BABAM2: variants seen among roughly 807,000 people sequenced by gnomAD.
The protein encoded by BABAM2 is BRISC and BRCA1 A complex member 2.
In BABAM2, 31 loss-of-function variants were observed where a neutral mutation model predicts 54.7. That is an observed-to-expected ratio of 0.57 (90% CI 0.43 to 0.77). The LOEUF (loss-of-function observed/expected upper bound fraction) is 0.77, where lower values mean the gene tolerates loss of function less well. Ranked by LOEUF, BABAM2 falls within the 30% of genes least tolerant of loss-of-function variation. The pLI is 0.00. For synonymous variants in BABAM2, 167 were observed against 162.9 expected (o/e 1.03, Z -0.19); for missense variants, 364 against 455.8 (o/e 0.80, Z 1.83).
chr2:28,061,988 G>T (rs1357878686), intron 6 of BABAM2, among the ~76,000 whole-genome samples: 1 of 152,070 alleles, frequency 6.6e-6, no homozygotes, highest in South Asian at 2.1e-4. Flanking sequence ...GCCAGGTGCG[G>T]TGGCTCACGC....
At chr2:28,338,223 C>T (rs999852787) in intron 11 of BABAM2, among the ~76,000 whole-genome samples, 2 of 152,312 alleles carry the variant, frequency 1.3e-5, no homozygotes, top group South Asian at 2.1e-4. Context: ...GGAGGGTGCA[C>T]GTACAGGCCC....
intron 6 of BABAM2, among the ~76,000 whole-genome samples, chr2:28,122,185 C>T (rs1456401033): frequency 3.3e-5 from 5 of 152,072 alleles, no homozygotes; most frequent in East Asian, 1.9e-4. Flanking sequence ...CACTGCACTC[C>T]AGCCTGGGTG....
intron 3 of BABAM2, among the ~76,000 whole-genome samples, chr2:27,953,589 G>T (rs1433598864): frequency 6.6e-6 from 1 of 151,364 alleles, no homozygotes; most frequent in Non-Finnish European, 1.5e-5. Flanking sequence ...ACCGCACTGG[G>T]CCCACACTTC....
At chr2:28,267,900 T>C (rs1685118021) in intron 10 of BABAM2, among the ~76,000 whole-genome samples, 1 of 152,166 alleles carries the variant, frequency 6.6e-6, no homozygotes, top group African/African-American at 2.4e-5. Context: ...TAGTTGTAGT[T>C]GAAACTAGAA....
intron 7 of BABAM2, among the ~76,000 whole-genome samples, chr2:28,204,490 G>A (rs1678617197): frequency 6.6e-6 from 1 of 151,846 alleles, no homozygotes; most frequent in African/African-American, 2.4e-5. Context: ...CAGGGCTAGA[G>A]TCATTTGTGG....
intron 7 of BABAM2, among the ~76,000 whole-genome samples, chr2:28,143,674 A>G (rs1375335939): frequency 6.6e-6 from 1 of 152,194 alleles, no homozygotes; most frequent in African/African-American, 2.4e-5. Flanking sequence ...AACTATTTCT[A>G]TAGGAAAATA....
At chr2:28,208,029 CTGTGTGTG>C (rs4043353) in intron 7 of BABAM2, among the ~76,000 whole-genome samples, 4,432 of 149,632 alleles carry the variant, frequency 0.03, 126 homozygotes, top group African/African-American at 0.086. Flanking sequence ...GTGTTAAAGG[CTGTGTGTG>C]TGTGTGTGTG....
At chr2:28,027,787 T>C (rs925144405) in intron 5 of BABAM2, among the ~76,000 whole-genome samples, 1 of 152,216 alleles carries the variant, frequency 6.6e-6, no homozygotes, top group African/African-American at 2.4e-5. Flanking sequence ...TAAGTATTGG[T>C]AATACCCCTT....
chr2:28,118,991 A>G (rs1204391578), intron 6 of BABAM2, among the ~76,000 whole-genome samples: 2 of 152,216 alleles, frequency 1.3e-5, no homozygotes, highest in East Asian at 3.9e-4. Flanking sequence ...TCCTTTCCCC[A>G]TTACATGTTT....
At chr2:28,263,983 G>A (rs893794734) in intron 10 of BABAM2, among the ~76,000 whole-genome samples, 10 of 152,200 alleles carry the variant, frequency 6.6e-5, no homozygotes, top group African/African-American at 1.2e-4. Context: ...AAAGGAATCC[G>A]TCAGTGTGAT....
chr2:28,087,932 G>C (rs1239120450), intron 6 of BABAM2, among the ~76,000 whole-genome samples: 3 of 152,180 alleles, frequency 2.0e-5, no homozygotes, highest in African/African-American at 7.2e-5. Flanking sequence ...TTACAGGCAT[G>C]AGCCACCATG....
chr2:28,148,543 T>C (rs1267086900), intron 7 of BABAM2, among the ~76,000 whole-genome samples: 3 of 152,244 alleles, frequency 2.0e-5, no homozygotes, highest in African/African-American at 7.2e-5. Flanking sequence ...ACCCAATCCT[T>C]TTTCTTTCTT....
rs748245803 is a variant in BABAM2, at chr2:27,894,515, C to G, written c.-24-18C>G. 1 of 1,610,444 alleles carries G rather than the reference C, an allele frequency of 6.2e-7. No individual in the cohort carries two copies. The highest frequency in any genetic ancestry group is 1.1e-5 in the South Asian group (1 of 90,934). On this transcript the variant is annotated intron_variant, in intron 1 of 11. Transcript: ENST00000379624. ...CCATTTGTAAGCCCTGATCATTATT[C>G]TTTCCTTCTGCTTTCAGTGGTGATT...
chr2:28,309,980 C>A, intron 11 of BABAM2: 1 of 1,266,894 alleles, frequency 7.9e-7, no homozygotes, highest in Non-Finnish European at 1.1e-6. Flanking sequence ...AGAAGTAGAG[C>A]TGTGAAGAGA....
At chr2:27,999,498 TGAA>T (rs1673420439) in intron 4 of BABAM2, among the ~76,000 whole-genome samples, 1 of 152,180 alleles carries the variant, frequency 6.6e-6, no homozygotes, top group African/African-American at 2.4e-5. Context: ...AAAAGTAGGT[TGAA>T]GTAGAATTGT....
chr2:28,043,215 G>A (rs1159898650), intron 5 of BABAM2, among the ~76,000 whole-genome samples: 2 of 148,966 alleles, frequency 1.3e-5, no homozygotes, highest in African/African-American at 2.5e-5. Flanking sequence ...TGCAACCTCC[G>A]CCTCCTCCTG....
intron 11 of BABAM2, among the ~76,000 whole-genome samples, 156 bp from the exon 12 acceptor site, chr2:28,338,294 G>A (rs915221500): frequency 5.9e-5 from 9 of 152,218 alleles, no homozygotes; most frequent in African/African-American, 1.4e-4. Context: ...GGAAAAATCC[G>A]GAGGGCTTTG....
intron 2 of BABAM2, among the ~76,000 whole-genome samples, chr2:27,925,793 A>G (rs1036936778): frequency 6.6e-6 from 1 of 152,134 alleles, no homozygotes; most frequent in African/African-American, 2.4e-5. Context: ...GTTCCTTTCC[A>G]GCGCCATTCT....
At chr2:28,265,481 T>A (rs966984244) in intron 10 of BABAM2, among the ~76,000 whole-genome samples, 2 of 152,090 alleles carry the variant, frequency 1.3e-5, no homozygotes, top group African/African-American at 4.8e-5. Context: ...TTAAACAAAA[T>A]GGCCTAAGGG....
Sources: gnomAD v4.1 joint callset for allele counts (sites outside exome capture counted in the v4.1 genomes callset) on GRCh38, gnomAD v4.1.1 for gene constraint, MANE v1.5 for transcripts, NCBI Gene and HGNC (gene_info 2026-07-23, HGNC 2026-07-21) for gene names.